The following FGF10 variants were observed in gnomAD, a reference collection of about 807,000 sequenced individuals.
FGF10 encodes fibroblast growth factor 10, also known as FGF-10.
Under a neutral mutation model 19.8 loss-of-function variants are expected in FGF10, and 2 were observed. The ratio of observed to expected loss-of-function variants is 0.10; its 90% CI spans 0.04 to 0.32. The LOEUF is 0.32. Among genes scored for constraint, FGF10 ranks in the 10% least tolerant of loss-of-function variants. FGF10 has a pLI of 1.00. For missense variants in FGF10, 191 were observed against 246.3 expected (o/e 0.78, Z 1.50); for synonymous variants, 112 against 94.0 (o/e 1.19, Z -1.10).
At chr5:44,360,320 G>T (rs1364841730) in intron 1 of FGF10, among the ~76,000 whole-genome samples, 2 of 151,692 alleles carry the variant, frequency 1.3e-5, no homozygotes, top group South Asian at 4.1e-4. Flanking sequence ...ATGTGTTAAT[G>T]AGTTTTCCTA....
intron 1 of FGF10, among the ~76,000 whole-genome samples, chr5:44,379,328 A>G (rs530152404): frequency 1.3e-5 from 2 of 152,368 alleles, no homozygotes; most frequent in South Asian, 4.1e-4. Flanking sequence ...TCTGACACAA[A>G]GCAAGCACTC....
At chr5:44,331,556 G>A (rs1202638364) in intron 1 of FGF10, among the ~76,000 whole-genome samples, 1 of 152,068 alleles carries the variant, frequency 6.6e-6, no homozygotes, top group African/African-American at 2.4e-5. Context: ...TTCTTTAAAA[G>A]GTCATTTTAA....
rs532033578 is a variant in FGF10 at position 44,344,366 on chromosome 5, G to A, written c.326-33836C>T. Reference sequence around the variant, plus strand: ...AACTGTTAGGAAAATAGCATTTTAAGCAATTGTATTTGTTACTAGGGTACT... The same window carrying A: ...AACTGTTAGGAAAATAGCATTTTAAACAATTGTATTTGTTACTAGGGTACT... On this transcript the variant is annotated intron_variant, in intron 1 of 2. Transcript: ENST00000264664. Among the ~76,000 whole-genome samples the A allele has an allele frequency of 4.6e-5, 7 of 150,948 alleles. No individual in the cohort carries two copies. In the South Asian group the frequency reaches 1.0e-3, roughly 22 times the overall value.
At chr5:44,359,416 G>A (rs1741424873) in intron 1 of FGF10, among the ~76,000 whole-genome samples, 1 of 151,400 alleles carries the variant, frequency 6.6e-6, no homozygotes, top group South Asian at 2.1e-4. Flanking sequence ...AGCATTCCAG[G>A]AAAATCACTG....
chr5:44,344,868 T>C (rs968883029), intron 1 of FGF10, among the ~76,000 whole-genome samples: 2 of 151,892 alleles, frequency 1.3e-5, no homozygotes, highest in African/African-American at 4.8e-5. Flanking sequence ...ATAGCACTTG[T>C]ATATTCCTTG....
intron 1 of FGF10, among the ~76,000 whole-genome samples, chr5:44,324,458 C>T (rs531612503): frequency 2.0e-5 from 3 of 152,062 alleles, no homozygotes; most frequent in South Asian, 2.1e-4. Flanking sequence ...TAGATAAAAC[C>T]GCACAATATC....
chr5:44,376,823 GATA>G (rs1741878410), intron 1 of FGF10, among the ~76,000 whole-genome samples: 1 of 151,064 alleles, frequency 6.6e-6, no homozygotes, highest in Admixed American at 6.6e-5. Context: ...TTATAATATA[GATA>G]ATACTCTTTT....
At chr5:44,368,100 CA>C (rs2111876090) in intron 1 of FGF10, among the ~76,000 whole-genome samples, 1 of 152,060 alleles carries the variant, frequency 6.6e-6, no homozygotes, top group South Asian at 2.1e-4. Flanking sequence ...TGCTTCTTCA[CA>C]AAATGTCAAT....
At chr5:44,348,642 A>G (rs1292212301) in intron 1 of FGF10, among the ~76,000 whole-genome samples, 2 of 151,072 alleles carry the variant, frequency 1.3e-5, no homozygotes, top group African/African-American at 4.9e-5. Flanking sequence ...AGAATTCCCA[A>G]TTAAATTTGA....
chr5:44,377,370 A>G (rs1287273778), intron 1 of FGF10, among the ~76,000 whole-genome samples: 1 of 152,258 alleles, frequency 6.6e-6, no homozygotes, highest in African/African-American at 2.4e-5. Flanking sequence ...AGGTCACAGT[A>G]ATAGGATGAG....
At chr5:44,372,129 C>G (rs776641905) in intron 1 of FGF10, among the ~76,000 whole-genome samples, 1 of 152,092 alleles carries the variant, frequency 6.6e-6, no homozygotes, top group Admixed American at 6.5e-5. Flanking sequence ...CTGTTTCCCT[C>G]GGCTGAAATT....
intron 1 of FGF10, among the ~76,000 whole-genome samples, chr5:44,341,932 C>A (rs1039282216): frequency 1.1e-4 from 17 of 151,888 alleles, no homozygotes; most frequent in African/African-American, 4.1e-4. Flanking sequence ...TTTCTAAATT[C>A]CAACTAATCT....
chr5:44,329,527 T>G lies in FGF10; in HGVS notation c.326-18997A>C, dbSNP rs555191442. On this transcript the variant is annotated intron_variant, in intron 1 of 2. Coordinates refer to ENST00000264664, the MANE Select transcript of FGF10 (RefSeq NM_004465.2). ...ATCTTTCTCATTGGCTGGCATAGAT[T>G]GGTGATAGTTTCTTAACTTGGCATC... is the stretch of plus-strand genomic sequence containing the variant. Among the ~76,000 whole-genome samples the G allele has an allele frequency of 6.1e-4, 93 of 152,222 alleles. No homozygotes were observed. In the Middle Eastern group the frequency reaches 0.01, roughly 17 times the overall value.
chr5:44,379,023 A>AT (rs1741930623), intron 1 of FGF10, among the ~76,000 whole-genome samples: 1 of 151,020 alleles, frequency 6.6e-6, no homozygotes, highest in Non-Finnish European at 1.5e-5. Context: ...GAGGCACCAA[A>AT]CTCTCCCTTT....
intron 1 of FGF10, among the ~76,000 whole-genome samples, chr5:44,370,768 A>T (rs1741724189): frequency 6.6e-6 from 1 of 152,106 alleles, no homozygotes; most frequent in African/African-American, 2.4e-5. Context: ...CCAGTTTTAG[A>T]ATCTTATTTT....
At chr5:44,382,024 T>C (rs1191837865) in intron 1 of FGF10, among the ~76,000 whole-genome samples, 2 of 152,224 alleles carry the variant, frequency 1.3e-5, no homozygotes, top group African/African-American at 4.8e-5. Context: ...TATTCATTAA[T>C]AATGCACATA....
chr5:44,383,089 A>G (rs1215821526), intron 1 of FGF10, among the ~76,000 whole-genome samples: 1 of 152,138 alleles, frequency 6.6e-6, no homozygotes, highest in Non-Finnish European at 1.5e-5. Context: ...AGATGTAGTT[A>G]TTCACAGGCA....
chr5:44,350,935 A>G (rs979341019), intron 1 of FGF10, among the ~76,000 whole-genome samples: 3 of 151,420 alleles, frequency 2.0e-5, no homozygotes, highest in African/African-American at 7.3e-5. Flanking sequence ...CTTAGTAAAT[A>G]ATGCCCGCTG....
chr5:44,353,883 G>A (rs1374970), intron 1 of FGF10, among the ~76,000 whole-genome samples: 81,520 of 151,206 alleles, frequency 0.54, 23,938 homozygotes, highest in Non-Finnish European at 0.67. Context: ...CAGCTAACAT[G>A]CTTCCATTTC....
Sources: gnomAD v4.1 joint callset for allele counts (sites outside exome capture counted in the v4.1 genomes callset) on GRCh38, gnomAD v4.1.1 for gene constraint, MANE v1.5 for transcripts, NCBI Gene and HGNC (gene_info 2026-07-23, HGNC 2026-07-21) for gene names.